The following AGAP5 variants were observed in gnomAD, a reference collection of about 807,000 sequenced individuals.
The protein encoded by AGAP5 is ArfGAP with GTPase domain, ankyrin repeat and PH domain 5.
In AGAP5, 8 loss-of-function variants were observed where a neutral mutation model predicts 27.7. The observed-to-expected ratio is 0.29, with a 90% confidence interval of 0.17 to 0.52. AGAP5 has a LOEUF of 0.52. Among genes scored for constraint, AGAP5 ranks in the 20% least tolerant of loss-of-function variants. The probability of loss-of-function intolerance (pLI) is 0.97; values close to 1 mark genes in which losing one functional copy is unlikely to be tolerated. For synonymous variants in AGAP5, 111 were observed against 338.0 expected (o/e 0.33, Z 7.37); for missense variants, 285 against 880.8 (o/e 0.32, Z 8.56).
At chr10:73,690,468 C>T (rs1157478740) in intron 4 of AGAP5, among the ~76,000 whole-genome samples, 11 of 152,118 alleles carry the variant, frequency 7.2e-5, no homozygotes, top group African/African-American at 1.2e-4. Flanking sequence ...GACACAAACA[C>T]TGCGGAAGGC....
chr10:73,687,969 G>A (rs569307660), intron 4 of AGAP5, among the ~76,000 whole-genome samples: 42 of 151,938 alleles, frequency 2.8e-4, no homozygotes, highest in Non-Finnish European at 2.4e-4. Context: ...GGCAGGTTGT[G>A]AACTTACAGG....
intron 4 of AGAP5, among the ~76,000 whole-genome samples, chr10:73,691,114 G>A (rs1244496734): frequency 1.3e-5 from 2 of 152,164 alleles, no homozygotes; most frequent in East Asian, 1.9e-4. Flanking sequence ...AGCACCCAGA[G>A]GCTACTTAAC....
intron 4 of AGAP5, among the ~76,000 whole-genome samples, chr10:73,691,331 C>T (rs996144597): frequency 6.6e-6 from 1 of 152,004 alleles, no homozygotes. Flanking sequence ...AAAAAGTGTG[C>T]TACAATTGGA....
At position 73,697,522 on chromosome 10, in the gene AGAP5, C is replaced by T. The variant is rs769718125; in HGVS notation, c.223+11G>A. 1 of 1,612,098 alleles carries T rather than the reference C, an allele frequency of 6.2e-7. No homozygotes were observed. Among genetic ancestry groups the T allele is most frequent in the Non-Finnish European group, 8.5e-7 (1 of 1,179,914 alleles). On this transcript the variant is annotated intron_variant, in intron 1 of 7. Transcript: ENST00000374094. The stretch of plus-strand genomic sequence containing the variant: ...CAAACCGAGGGTAGATGGCACCTAT[C>T]ACCTCCTTACCTTCAGGCATCTCCT...
At chr10:73,687,752 T>C (rs1589472748) in intron 4 of AGAP5, among the ~76,000 whole-genome samples, 1 of 152,184 alleles carries the variant, frequency 6.6e-6, no homozygotes, top group East Asian at 1.9e-4. Context: ...TGACCACAAA[T>C]TTATTTCATC....
At chr10:73,689,999 C>A (rs1224005104) in intron 4 of AGAP5, among the ~76,000 whole-genome samples, 1 of 151,638 alleles carries the variant, frequency 6.6e-6, no homozygotes, top group African/African-American at 2.4e-5. Context: ...GGTCAGCCCC[C>A]CGCCTGGCCA....
intron 1 of AGAP5, 146 bp from the exon 2 acceptor site, chr10:73,697,309 CTGGGCGAT>C (rs1259468534): frequency 6.9e-7 from 1 of 1,451,282 alleles, no homozygotes; most frequent in East Asian, 2.5e-5. Context: ...AGAGCAAGAA[CTGGGCGAT>C]TGGGAGGGGA....
intron 1 of AGAP5, 71 bp downstream of exon 1, chr10:73,697,462 G>A (rs76156147): frequency 4.9e-5 from 79 of 1,601,848 alleles, no homozygotes; most frequent in South Asian, 1.3e-4. Context: ...GGGGGATGCC[G>A]TAAAGGGAAC....
chr10:73,676,422 C>T (rs1282980829), intron 7 of AGAP5, among the ~76,000 whole-genome samples: 1 of 142,108 alleles, frequency 7.0e-6, no homozygotes, highest in East Asian at 2.0e-4. Context: ...GGAGGCAGAG[C>T]CTGCAGTGAG....
chr10:73,697,623 TG>T lies in AGAP5; in HGVS notation c.132del (p.Met45TrpfsTer10). On this transcript the variant is annotated frameshift_variant, in exon 1 of 8. Coordinates refer to ENST00000374094, the MANE Select transcript of AGAP5 (RefSeq NM_001144000.4). LOFTEE classifies it high-confidence loss of function. ...AGAGDRMAGA[P>X]MAAAVQPAEV... ...TCAGCAGGCTGCACAGCAGCAGCCA[TG>T]GGCGCTCCTGCCATCCTGTCCCCAG... 1 of 1,608,104 alleles carries T rather than the reference TG, an allele frequency of 6.2e-7. No homozygotes were observed.
At chr10:73,688,595 A>G (rs1348951909) in intron 4 of AGAP5, among the ~76,000 whole-genome samples, 1 of 152,132 alleles carries the variant, frequency 6.6e-6, no homozygotes, top group Admixed American at 6.5e-5. Flanking sequence ...ATATCCCAGA[A>G]CTAGAATAAA....
chr10:73,690,436 T>G (rs1447251749), intron 4 of AGAP5, among the ~76,000 whole-genome samples: 1 of 151,864 alleles, frequency 6.6e-6, no homozygotes, highest in Non-Finnish European at 1.5e-5. Flanking sequence ...TCATCACCAC[T>G]CCCTAATCTG....
chr10:73,696,458 T>A (rs1252068390), intron 2 of AGAP5, among the ~76,000 whole-genome samples: 2 of 152,256 alleles, frequency 1.3e-5, no homozygotes, highest in Non-Finnish European at 2.9e-5. Context: ...ATTAAAAGTC[T>A]ACATTGACAT....
chr10:73,692,187 T>A (rs1390060566), intron 3 of AGAP5, 110 bp from the exon 4 acceptor site: 8 of 345,982 alleles, frequency 2.3e-5, no homozygotes, highest in African/African-American at 8.7e-5. Context: ...AAATTCCATT[T>A]AAAAAAATAA....
intron 3 of AGAP5, 64 bp downstream of exon 3, chr10:73,694,672 C>G (rs2132462013): frequency 6.3e-7 from 1 of 1,593,592 alleles, no homozygotes; most frequent in Admixed American, 1.7e-5. Context: ...TAAATACTTT[C>G]TATAACCTGA....
In AGAP5 at chr10:73,694,590, G is replaced by T. The variant is rs1005232254; in HGVS notation, c.361+146C>A. On this transcript the variant is annotated intron_variant, in intron 3 of 7. Transcript: ENST00000374094. ...CTAACATCATAACAACTAAAGGAAA[G>T]TATATCACATATTAAAATAAGACAA... 12 of 1,378,978 alleles carry T rather than the reference G, an allele frequency of 8.7e-6. No homozygotes were observed. The African/African-American group carries it at 1.6e-4, about 18-fold the overall frequency. 85.4% of individuals were successfully genotyped at this position (1,378,978 alleles called of 1,614,324 possible).
At chr10:73,681,435 C>T in intron 5 of AGAP5, 1 of 985,432 alleles carries the variant, frequency 1.0e-6, no homozygotes, top group Non-Finnish European at 1.2e-6. Context: ...CAGCGAGTGC[C>T]ACCTATCCCA....
intron 5 of AGAP5, chr10:73,681,349 T>G: frequency 1.0e-6 from 1 of 985,346 alleles, no homozygotes; most frequent in Non-Finnish European, 1.2e-6. Context: ...TGCCTACAGA[T>G]AGAGGGAAAG....
intron 2 of AGAP5, among the ~76,000 whole-genome samples, chr10:73,695,276 C>G (rs985570152): frequency 1.1e-4 from 16 of 152,208 alleles, no homozygotes; most frequent in East Asian, 1.9e-4. Context: ...TCTGAGGACA[C>G]AGAACCTTAG....
Sources: gnomAD v4.1 joint callset for allele counts (sites outside exome capture counted in the v4.1 genomes callset) on GRCh38, gnomAD v4.1.1 for gene constraint, MANE v1.5 for transcripts, NCBI Gene and HGNC (gene_info 2026-07-23, HGNC 2026-07-21) for gene names.